CD163L1: variants seen among roughly 807,000 people sequenced by gnomAD.
CD163L1 encodes scavenger receptor cysteine-rich type 1 protein M160.
Under a neutral mutation model 165.4 loss-of-function variants are expected in CD163L1, and 124 were observed. The ratio of observed to expected loss-of-function variants is 0.75; its 90% CI spans 0.65 to 0.87. The LOEUF is 0.87. Among genes scored for constraint, CD163L1 ranks in the 40% least tolerant of loss-of-function variants. The probability of loss-of-function intolerance (pLI) is 0.00; values close to 1 mark genes in which losing one functional copy is unlikely to be tolerated. For missense variants in CD163L1, 1,525 were observed against 1,799.9 expected (o/e 0.85, Z 2.76); for synonymous variants, 585 against 662.2 (o/e 0.88, Z 1.79).
Position 7,381,975 on chromosome 12 carries a change from T to C in CD163L1, c.2051-2677A>G, listed in dbSNP as rs1947419543. On this transcript the variant is annotated intron_variant, in intron 8 of 19. Coordinates refer to ENST00000313599, the MANE Select transcript of CD163L1 (RefSeq NM_174941.6). The stretch of plus-strand genomic sequence containing the variant: ...TGAATTAAAAAAATATATATTTATA[T>C]GTAATTGTTTTATATACATAATTAT... 2.0e-5 allele frequency among the ~76,000 whole-genome samples: 3 copies of C among 148,570 alleles called. No individual in the cohort carries two copies. In the South Asian group the frequency reaches 6.3e-4, roughly 31 times the overall value.
At chr12:7,332,218 A>T in the CD163L1 span, among the ~76,000 whole-genome samples, 1 of 152,214 alleles carries the variant, frequency 6.6e-6, no homozygotes, top group Admixed American at 6.5e-5. Context: ...TGAAGCGAGA[A>T]GAGAAGTTTA....
chr12:7,443,936 GCTACT>G, intron 1 of CD163L1, among the ~76,000 whole-genome samples, 156 bp downstream of exon 1: 1 of 151,964 alleles, frequency 6.6e-6, no homozygotes, highest in East Asian at 1.9e-4. Flanking sequence ...CAATATTGCT[GCTACT>G]CTAAGTTCCA....
At chr12:7,363,173 G>A (rs1341578805) in intron 18 of CD163L1, among the ~76,000 whole-genome samples, 1 of 152,046 alleles carries the variant, frequency 6.6e-6, no homozygotes, top group Non-Finnish European at 1.5e-5. Context: ...GCCAGGCATG[G>A]TGTCATGTGC....
intron 4 of CD163L1, among the ~76,000 whole-genome samples, chr12:7,422,278 A>T (rs2136599256): frequency 6.6e-6 from 1 of 152,276 alleles, no homozygotes; most frequent in African/African-American, 2.4e-5. Context: ...CAGAAACCCC[A>T]TGCAAAGGTC....
At chr12:7,332,505 G>A in the CD163L1 span, among the ~76,000 whole-genome samples, 430 of 140,708 alleles carry the variant, frequency 3.1e-3, 5 homozygotes, top group African/African-American at 1.0e-2. Flanking sequence ...GTTGAAATGA[G>A]GGAAAAAATG....
chr12:7,357,498 G>A lies in CD163L1; in HGVS notation c.4280-12C>T, dbSNP rs201197132. The A allele has an allele frequency of 1.1e-4, 182 of 1,610,936 alleles. No homozygotes were observed. Among genetic ancestry groups the A allele is most frequent in the Middle Eastern group, 1.7e-4 (1 of 6,044 alleles). On this transcript the variant is annotated splice_polypyrimidine_tract_variant and intron_variant, in intron 18 of 19. Transcript: ENST00000313599. ...GTTGGGGGTGTCATCTGAAAGAAAG[G>A]CAAAATCTGTATTATTGAATAGTAG... is the stretch of plus-strand genomic sequence containing the variant.
At chr12:7,422,777 A>G (rs1473168479) in intron 4 of CD163L1, among the ~76,000 whole-genome samples, 4 of 149,384 alleles carry the variant, frequency 2.7e-5, no homozygotes, top group Non-Finnish European at 4.4e-5. Context: ...GTGTGTGTAT[A>G]TATATATATA....
At chr12:7,433,986 G>T (rs1009111456) in intron 2 of CD163L1, among the ~76,000 whole-genome samples, 9 of 152,080 alleles carry the variant, frequency 5.9e-5, no homozygotes, top group African/African-American at 2.2e-4. Flanking sequence ...CACAGAAAAG[G>T]TAAGGTTTGC....
chr12:7,329,467 C>T, the CD163L1 span, among the ~76,000 whole-genome samples: 1 of 151,118 alleles, frequency 6.6e-6, no homozygotes, highest in Non-Finnish European at 1.5e-5. Context: ...TTGGCCATAC[C>T]AAAAGCAAAA....
chr12:7,413,423 C>T (rs911476121), intron 4 of CD163L1, among the ~76,000 whole-genome samples: 4 of 152,172 alleles, frequency 2.6e-5, no homozygotes, highest in African/African-American at 9.7e-5. Flanking sequence ...TGGAGGCTTA[C>T]AGCAACCAGC....
intron 4 of CD163L1, among the ~76,000 whole-genome samples, 188 bp from the exon 5 acceptor site, chr12:7,407,040 A>G (rs1310494798): frequency 5.3e-5 from 8 of 152,238 alleles, no homozygotes; most frequent in African/African-American, 1.9e-4. Flanking sequence ...GGATCATACT[A>G]TGATGTTGAC....
chr12:7,422,075 A>G (rs2136598172), intron 4 of CD163L1, among the ~76,000 whole-genome samples: 1 of 152,238 alleles, frequency 6.6e-6, no homozygotes, highest in East Asian at 1.9e-4. Context: ...CCTCTGGGAC[A>G]AAGCTTCTAG....
chr12:7,421,494 T>TATATATACACAC lies in CD163L1; in HGVS notation c.766+10921_766+10922insGTGTGTATATAT, dbSNP rs1565810212. 5.4e-5 allele frequency among the ~76,000 whole-genome samples: 6 copies of TATATATACACAC among 111,276 alleles called. 1 individual carries two copies. Among genetic ancestry groups the TATATATACACAC allele is most frequent in the South Asian group, 6.2e-4 (2 of 3,250 alleles). The allele number at this position is 111,276 out of a possible 152,430, so 73.0% of individuals were successfully genotyped here. ...ATATACATATATGTACATATATACA[T>TATATATACACAC]ATATGTACATATACATATACATATA... On this transcript the variant is annotated intron_variant, in intron 4 of 19. Transcript: ENST00000313599.
downstream of CD163L1, chr12:7,354,950 A>T (rs1946744058): frequency 6.6e-6 from 1 of 152,146 alleles, no homozygotes; most frequent in Admixed American, 6.5e-5. Context: ...AAACACAAAC[A>T]TTCAGTCCAT....
rs764693700 is a variant in CD163L1, at chr12:7,432,417, A to G, written c.765T>C (p.Tyr255=). 17 of 1,608,052 alleles carry G rather than the reference A, an allele frequency of 1.1e-5. No homozygotes were observed. The South Asian group carries it at 1.3e-4, about 13-fold the overall frequency. Residue 255 remains tyrosine (Y), a splice_region_variant and synonymous_variant, in exon 4 of 20, where the codon TAT becomes TAC. Coordinates refer to ENST00000313599, the MANE Select transcript of CD163L1 (RefSeq NM_174941.6). This position sits in a 1 kb window ranked among gnomAD's most constrained non-coding sequence, Gnocchi z 4.2. ...SHNEDVTLTC[Y]DSSDLELRLV... is the part of the protein sequence containing the mutation. ...CTACATGATGTCTTGGGTTCTTACC[A>G]TAACAAGTTAATGTGACATCCTCAT...
At chr12:7,395,458 G>C (rs747536140) in intron 8 of CD163L1, among the ~76,000 whole-genome samples, 8 of 152,256 alleles carry the variant, frequency 5.3e-5, no homozygotes, top group Non-Finnish European at 1.2e-4. Context: ...GTGGGGGACT[G>C]GGGGAGGGAT....
intron 1 of CD163L1, among the ~76,000 whole-genome samples, chr12:7,442,897 G>A (rs1298356321): frequency 6.6e-6 from 1 of 152,212 alleles, no homozygotes; most frequent in African/African-American, 2.4e-5. Context: ...TGAACAAATA[G>A]TGCAGTAGGA....
Position 7,432,619 on chromosome 12 carries a change from G to A in CD163L1, c.563C>T (p.Thr188Ile), listed in dbSNP as rs1347777417. ...TICDDGWNLNTAAVVCRQLGC... is the reference protein window; with the variant it reads ...TICDDGWNLNIAAVVCRQLGC... ...TAGTTGCCTGCACACCACGGCAGCA[G>A]TATTCAAGTTCCACCCATCATCACA... is the stretch of plus-strand genomic sequence containing the variant. The change falls in exon 4 of 20, where the codon ACT (threonine) becomes ATT (isoleucine). Residue 188 changes from threonine to isoleucine, a missense_variant. Transcript: ENST00000313599. This position sits in a 1 kb window ranked among gnomAD's most constrained non-coding sequence, Gnocchi z 4.2. The A allele has an allele frequency of 3.7e-6, 6 of 1,614,174 alleles. No homozygotes were observed. The South Asian group carries it at 5.5e-5, about 15-fold the overall frequency.
rs1301569557 is a variant in CD163L1, at chr12:7,432,075, T to C, written c.766+341A>G. Among the ~76,000 whole-genome samples, 1 of 152,080 alleles carries C rather than the reference T, an allele frequency of 6.6e-6. No homozygotes were observed. Among genetic ancestry groups the C allele is most frequent in the African/African-American group, 2.4e-5 (1 of 41,408 alleles). On this transcript the variant is annotated intron_variant, in intron 4 of 19. Coordinates refer to ENST00000313599, the MANE Select transcript of CD163L1 (RefSeq NM_174941.6). This position sits in a 1 kb window ranked among gnomAD's most constrained non-coding sequence, Gnocchi z 4.2. ...GAAAGAATTAGTAAAGTGGGGAAAC[T>C]AGACTAAGAATGAGTGACCTCAGAG... is the stretch of plus-strand genomic sequence containing the variant.
Sources: allele counts gnomAD v4.1 joint callset (sites outside exome capture counted in the v4.1 genomes callset), GRCh38; gene constraint gnomAD v4.1.1; non-coding constraint Gnocchi (gnomAD v3.1); transcripts MANE v1.5; gene names NCBI Gene and HGNC (gene_info 2026-07-23, HGNC 2026-07-21).